Variants in PLCH1 observed in about 807,000 individuals in gnomAD.
PLCH1 encodes 1-phosphatidylinositol 4,5-bisphosphate phosphodiesterase eta-1.
In PLCH1, 60 loss-of-function variants were observed where a neutral mutation model predicts 126.7. The observed-to-expected ratio is 0.47, with a 90% CI of 0.38 to 0.59. The LOEUF is 0.59. Among genes scored for constraint, PLCH1 ranks in the 20% least tolerant of loss-of-function variants. The probability of loss-of-function intolerance (pLI) is 0.00; values close to 1 mark genes in which losing one functional copy is unlikely to be tolerated. For missense variants in PLCH1, 1,723 were observed against 2,040.0 expected, an observed-to-expected ratio of 0.84 and a Z score of 2.99; for synonymous variants, 719 against 734.9, an observed-to-expected ratio of 0.98 and a Z score of 0.35.
At chr3:155,546,510 A>C (rs1008230107) in intron 10 of PLCH1, among the ~76,000 whole-genome samples, 3 of 152,154 alleles carry the variant, frequency 2.0e-5, no homozygotes, top group Non-Finnish European at 4.4e-5. Context: ...GCTACCAATG[A>C]CTTTCTTCAC....
intron 6 of PLCH1, among the ~76,000 whole-genome samples, chr3:155,568,975 C>A (rs896247748): frequency 6.6e-6 from 1 of 152,050 alleles, no homozygotes; most frequent in Non-Finnish European, 1.5e-5. Flanking sequence ...GGTTACTTAC[C>A]TTTTCTGTGG....
intron 19 of PLCH1, among the ~76,000 whole-genome samples, chr3:155,489,940 G>C (rs1014482641): frequency 3.9e-5 from 6 of 152,118 alleles, no homozygotes; most frequent in Non-Finnish European, 8.8e-5. Flanking sequence ...TGTTGACTTA[G>C]TGATGACCTC....
At chr3:155,637,876 G>A (rs377738064) in intron 2 of PLCH1, among the ~76,000 whole-genome samples, 6 of 152,246 alleles carry the variant, frequency 3.9e-5, no homozygotes, top group African/African-American at 4.8e-5. Context: ...CTTGAATTGC[G>A]CTTTTATGGA....
At chr3:155,497,784 G>T (rs1399816728) in intron 14 of PLCH1, among the ~76,000 whole-genome samples, 1 of 152,090 alleles carries the variant, frequency 6.6e-6, no homozygotes, top group Non-Finnish European at 1.5e-5. Flanking sequence ...GCGCATTCTT[G>T]GTTCACTGCA....
intron 2 of PLCH1, among the ~76,000 whole-genome samples, chr3:155,611,653 A>T (rs1172360783): frequency 2.6e-5 from 4 of 152,116 alleles, no homozygotes; most frequent in African/African-American, 9.7e-5. Context: ...CTTAAACTAC[A>T]CCCTAGAACA....
In PLCH1 at chr3:155,526,381, C is replaced by G. The variant is rs565767475; in HGVS notation, c.1363-2377G>C. 2.0e-5 allele frequency among the ~76,000 whole-genome samples: 3 copies of G among 150,332 alleles called. No individual in the cohort carries two copies. The South Asian group carries it at 6.3e-4, about 32-fold the overall frequency. ...TCTCCTTTCCTGGAGCTCTCTCTCT[C>G]TCTCTCTCTTCTTTCTCTCTCTCTC... is the stretch of plus-strand genomic sequence containing the variant. On this transcript the variant is annotated intron_variant, in intron 10 of 22. Transcript: ENST00000460012.
intron 9 of PLCH1, among the ~76,000 whole-genome samples, chr3:155,553,300 A>G (rs763025102): frequency 2.0e-5 from 3 of 151,988 alleles, no homozygotes; most frequent in Non-Finnish European, 4.4e-5. Flanking sequence ...TTTTTTTAGT[A>G]GAGACAGGGC....
chr3:155,516,946 G>A (rs1389152044), intron 11 of PLCH1, among the ~76,000 whole-genome samples: 3 of 152,050 alleles, frequency 2.0e-5, no homozygotes, highest in African/African-American at 7.2e-5. Context: ...CCAGCCTTGG[G>A]GAATCGGGGG....
At chr3:155,718,022 GC>G (rs1747661386) in intron 1 of PLCH1, among the ~76,000 whole-genome samples, 1 of 152,184 alleles carries the variant, frequency 6.6e-6, no homozygotes, top group African/African-American at 2.4e-5. Context: ...GCTGTTAGAA[GC>G]AGCCAGGTCA....
intron 15 of PLCH1, among the ~76,000 whole-genome samples, chr3:155,497,084 G>A (rs73874820): frequency 0.09 from 13,628 of 152,096 alleles, 1,341 homozygotes; most frequent in African/African-American, 0.25. Flanking sequence ...AGTCCTCTTT[G>A]GCCCTGTGGG....
intron 21 of PLCH1, among the ~76,000 whole-genome samples, chr3:155,461,666 TC>T (rs1391898171): frequency 6.6e-6 from 1 of 152,160 alleles, no homozygotes; most frequent in African/African-American, 2.4e-5. Flanking sequence ...TTGAGTCAAT[TC>T]AAAGAGAGTG....
intron 21 of PLCH1, among the ~76,000 whole-genome samples, chr3:155,464,797 A>G (rs1004060342): frequency 2.6e-5 from 4 of 152,158 alleles, no homozygotes; most frequent in Non-Finnish European, 5.9e-5. Flanking sequence ...CCAATGTCCT[A>G]TTAGTAGAAT....
At chr3:155,545,257 C>T (rs1458190676) in intron 10 of PLCH1, among the ~76,000 whole-genome samples, 1 of 150,334 alleles carries the variant, frequency 6.7e-6, no homozygotes, top group East Asian at 1.9e-4. Context: ...ATACTACAAA[C>T]ACCTCTACGC....
chr3:155,499,913 G>T (rs2108132202), intron 14 of PLCH1, among the ~76,000 whole-genome samples: 2 of 152,226 alleles, frequency 1.3e-5, no homozygotes, highest in South Asian at 4.1e-4. Context: ...TTCTGTTGGA[G>T]CTCAAATATA....
intron 1 of PLCH1, among the ~76,000 whole-genome samples, chr3:155,714,120 C>A (rs926271953): frequency 6.6e-6 from 1 of 152,178 alleles, no homozygotes; most frequent in Admixed American, 6.5e-5. Flanking sequence ...TCCTGTACTT[C>A]GGCCTCTGAC....
At chr3:155,497,872 G>A (rs965906478) in intron 14 of PLCH1, among the ~76,000 whole-genome samples, 6 of 151,956 alleles carry the variant, frequency 3.9e-5, no homozygotes, top group East Asian at 1.9e-4. Context: ...ACACCACCAC[G>A]CCAGCTAATT....
intron 1 of PLCH1, among the ~76,000 whole-genome samples, chr3:155,708,069 T>C (rs540009554): frequency 1.4e-4 from 21 of 152,264 alleles, no homozygotes; most frequent in African/African-American, 4.3e-4. Context: ...ATTAGGAACA[T>C]TGATAAGACT....
intron 1 of PLCH1, among the ~76,000 whole-genome samples, chr3:155,729,927 A>AG (rs1748637128): frequency 6.6e-6 from 1 of 150,862 alleles, no homozygotes; most frequent in African/African-American, 2.4e-5. Context: ...TCCATCTCAA[A>AG]AAAAAAAAAA....
At chr3:155,727,434 C>A (rs984657800) in intron 1 of PLCH1, among the ~76,000 whole-genome samples, 1 of 148,988 alleles carries the variant, frequency 6.7e-6, no homozygotes, top group African/African-American at 2.5e-5. Flanking sequence ...TTTGTCCAGG[C>A]TGGAGTGCAG....
Sources: gnomAD v4.1 joint callset for allele counts (sites outside exome capture counted in the v4.1 genomes callset) on GRCh38, gnomAD v4.1.1 for gene constraint, MANE v1.5 for transcripts, NCBI Gene and HGNC (gene_info 2026-07-23, HGNC 2026-07-21) for gene names.